Variants in MCHR2 observed in about 807,000 individuals in gnomAD.
MCHR2 encodes melanin concentrating hormone receptor 2.
Under a neutral mutation model 24.8 loss-of-function variants are expected in MCHR2, and 15 were observed. The ratio of observed to expected loss-of-function variants is 0.60; its 90% CI spans 0.40 to 0.93. The LOEUF is 0.93. MCHR2 is among the 40% of genes least tolerant of loss of function. The pLI is 0.00. For synonymous variants in MCHR2, 151 were observed against 147.6 expected, an observed-to-expected ratio of 1.02 and a Z score of -0.17; for missense variants, 386 against 408.7, an observed-to-expected ratio of 0.94 and a Z score of 0.48.
At chr6:99,928,659 TA>T (rs1774429407) in intron 5 of MCHR2, among the ~76,000 whole-genome samples, 1 of 152,240 alleles carries the variant, frequency 6.6e-6, no homozygotes, top group Non-Finnish European at 1.5e-5. Flanking sequence ...TGGTAGTTTG[TA>T]TTTCTGTGGG....
At chr6:99,936,985 C>T (rs937074519) in intron 4 of MCHR2, among the ~76,000 whole-genome samples, 12 of 151,884 alleles carry the variant, frequency 7.9e-5, no homozygotes, top group African/African-American at 2.9e-4. Flanking sequence ...TTGAAGGCCA[C>T]TGCATTTCTG....
chr6:99,993,673 T>A lies in MCHR2; in HGVS notation c.-28+263A>T, dbSNP rs149915455. Among the ~76,000 whole-genome samples, 445 of 152,116 alleles carry A rather than the reference T, an allele frequency of 2.9e-3. 2 individuals are homozygous for A. The highest frequency in any genetic ancestry group is 4.5e-3 in the Non-Finnish European group (305 of 67,950). On this transcript the variant is annotated intron_variant, in intron 1 of 5. Transcript: ENST00000281806. ...CTCCCTTTTTCTTTTCCCACCTGTGTTTCCATTTTCTTTGCCGAGTGTGAA... is the reference window on the plus strand; with the variant it reads ...CTCCCTTTTTCTTTTCCCACCTGTGATTCCATTTTCTTTGCCGAGTGTGAA...
chr6:99,969,795 G>A (rs1407891397), intron 1 of MCHR2, among the ~76,000 whole-genome samples: 2 of 146,928 alleles, frequency 1.4e-5, no homozygotes, highest in Non-Finnish European at 3.0e-5. Flanking sequence ...TCCCACCTAT[G>A]AGTGAGAACA....
At chr6:99,932,536 C>A (rs1774568737) in intron 5 of MCHR2, among the ~76,000 whole-genome samples, 1 of 152,128 alleles carries the variant, frequency 6.6e-6, no homozygotes, top group Non-Finnish European at 1.5e-5. Context: ...CCACCTTAAC[C>A]AGGTAATCAA....
At chr6:99,973,929 A>G (rs1455223315) in intron 1 of MCHR2, among the ~76,000 whole-genome samples, 2 of 152,168 alleles carry the variant, frequency 1.3e-5, no homozygotes, top group Admixed American at 6.6e-5. Flanking sequence ...CGAGAGATCC[A>G]CTGTTAATCT....
chr6:99,992,331 G>C (rs1042095953), intron 1 of MCHR2, among the ~76,000 whole-genome samples: 4 of 152,190 alleles, frequency 2.6e-5, no homozygotes, highest in Non-Finnish European at 5.9e-5. Context: ...GCTAGGCTGG[G>C]GAATTTGGGG....
At chr6:99,978,426 T>TTTC (rs1189637003) in intron 1 of MCHR2, among the ~76,000 whole-genome samples, 1 of 143,400 alleles carries the variant, frequency 7.0e-6, no homozygotes, top group Non-Finnish European at 1.5e-5. Flanking sequence ...GACAGTTTTT[T>TTTC]TTTTTTTTTT....
intron 3 of MCHR2, among the ~76,000 whole-genome samples, chr6:99,943,568 A>G (rs6931030): frequency 1 from 150,650 of 151,382 alleles, 74,963 homozygotes; most frequent in Middle Eastern, 1. Context: ...TCCCATCTAT[A>G]AGTGAGAACA....
In MCHR2 at chr6:99,942,959, C is replaced by T. The variant is rs200390537; in HGVS notation, c.577G>A (p.Asp193Asn). Residue 193 changes from aspartate (D) to asparagine (N), a missense_variant, in exon 4 of 6, where the codon GAT becomes AAT. By Grantham distance (23) the Asp-to-Asn change is conservative (BLOSUM62 1). Coordinates refer to ENST00000281806, the MANE Select transcript of MCHR2 (RefSeq NM_001040179.2). The stretch of plus-strand genomic sequence containing the variant: ...GTTTTCACAACTTACCAGAGTACAT[C>T]GTCAGGGGATGTCAAATCAAAAGCA... ...SCAFDLTSPD[D>N]VLWYTLYLTI... 1.9e-5 allele frequency: 31 copies of T among 1,610,566 alleles called. No individual in the cohort carries two copies. The highest frequency in any genetic ancestry group is 8.8e-5 in the South Asian group (8 of 90,718).
At chr6:99,933,027 T>A (rs1774578990) in intron 5 of MCHR2, among the ~76,000 whole-genome samples, 1 of 152,134 alleles carries the variant, frequency 6.6e-6, no homozygotes, top group South Asian at 2.1e-4. Context: ...ACTATCTACT[T>A]TTTTAGAAAT....
At chr6:99,971,076 T>A (rs576391097) in intron 1 of MCHR2, among the ~76,000 whole-genome samples, 1 of 152,244 alleles carries the variant, frequency 6.6e-6, no homozygotes, top group Admixed American at 6.5e-5. Flanking sequence ...AACTTTAAAG[T>A]AGTTTTTTCC....
At chr6:99,975,576 C>G (rs571627049) in intron 1 of MCHR2, among the ~76,000 whole-genome samples, 30 of 152,350 alleles carry the variant, frequency 2.0e-4, no homozygotes, top group African/African-American at 6.7e-4. Context: ...GCTGCACCCA[C>G]TGTCCTGCAC....
intron 1 of MCHR2, among the ~76,000 whole-genome samples, chr6:99,984,266 C>CT (rs151233138): frequency 6.9e-6 from 1 of 143,928 alleles, no homozygotes; most frequent in Non-Finnish European, 1.5e-5. Flanking sequence ...ATTTATTTTT[C>CT]TTTATTATTA....
intron 1 of MCHR2, among the ~76,000 whole-genome samples, chr6:99,963,825 A>T (rs1229660583): frequency 1.3e-5 from 2 of 152,118 alleles, no homozygotes; most frequent in Non-Finnish European, 2.9e-5. Flanking sequence ...ATTAAAAATA[A>T]TGACACAAGA....
intron 5 of MCHR2, among the ~76,000 whole-genome samples, chr6:99,927,414 A>C (rs1582368449): frequency 6.6e-6 from 1 of 152,220 alleles, no homozygotes; most frequent in East Asian, 1.9e-4. Context: ...TGAATCTATA[A>C]ATTACCTTGG....
At chr6:99,931,498 C>T (rs990602099) in intron 5 of MCHR2, among the ~76,000 whole-genome samples, 10 of 152,270 alleles carry the variant, frequency 6.6e-5, no homozygotes, top group African/African-American at 1.7e-4. Flanking sequence ...CCACCCAGTT[C>T]GAGCTTCCAG....
intron 4 of MCHR2, 145 bp from the exon 5 acceptor site, chr6:99,934,662 A>T: frequency 1.5e-6 from 1 of 689,314 alleles, no homozygotes; most frequent in South Asian, 3.0e-5. Context: ...AAAGCTCAAG[A>T]TCTTTGGTTG....
intron 3 of MCHR2, 120 bp downstream of exon 3, chr6:99,947,642 G>GA: frequency 1.1e-6 from 1 of 938,898 alleles, no homozygotes; most frequent in Non-Finnish European, 1.6e-6. Flanking sequence ...GTTCTACAGT[G>GA]AAACAAAGGA....
intron 1 of MCHR2, among the ~76,000 whole-genome samples, chr6:99,985,920 G>A (rs1198121445): frequency 1.3e-5 from 2 of 152,046 alleles, no homozygotes; most frequent in Admixed American, 1.3e-4. Flanking sequence ...TGCAAACATT[G>A]CATCTGACAA....
Sources: allele counts gnomAD v4.1 joint callset (sites outside exome capture counted in the v4.1 genomes callset), GRCh38; gene constraint gnomAD v4.1.1; transcripts MANE v1.5; gene names NCBI Gene and HGNC (gene_info 2026-07-23, HGNC 2026-07-21).